MED13L: variants seen among roughly 807,000 people sequenced by gnomAD.
MED13L encodes mediator of RNA polymerase II transcription subunit 13-like.
MED13L carries 7 observed loss-of-function variants against 220.9 expected under a neutral mutation model. The observed-to-expected ratio is 0.03, with a 90% CI of 0.02 to 0.06. The LOEUF is 0.06. Among genes scored for constraint, MED13L ranks in the 10% least tolerant of loss-of-function variants. The pLI, the probability that MED13L is intolerant of heterozygous loss-of-function variation, is 1.00. For missense variants in MED13L, 1,965 were observed against 2,760.5 expected (o/e 0.71, Z 6.46); for synonymous variants, 1,011 against 1,015.2 (o/e 1.00, Z 0.08).
chr12:115,962,889 CG>C (rs1025591977), intron 30 of MED13L, among the ~76,000 whole-genome samples: 2 of 152,028 alleles, frequency 1.3e-5, no homozygotes, highest in East Asian at 3.9e-4. Context: ...GGCATTCTGG[CG>C]GGTGCCTGTA....
intron 4 of MED13L, among the ~76,000 whole-genome samples, chr12:116,069,397 T>C (rs1870200859): frequency 6.6e-6 from 1 of 152,218 alleles, no homozygotes; most frequent in African/African-American, 2.4e-5. Flanking sequence ...TCATTTTATT[T>C]ATTTTTGCTT....
chr12:116,043,304 C>A (rs1881646095), intron 4 of MED13L, among the ~76,000 whole-genome samples: 1 of 152,184 alleles, frequency 6.6e-6, no homozygotes, highest in South Asian at 2.1e-4. Context: ...CTATGCAATG[C>A]ACTTGTAATT....
chr12:116,099,874 CAA>C (rs1423503217), intron 3 of MED13L, among the ~76,000 whole-genome samples: 1 of 152,146 alleles, frequency 6.6e-6, no homozygotes, highest in African/African-American at 2.4e-5. Context: ...CTTCGTCAGG[CAA>C]TGTCATCAAA....
intron 23 of MED13L, 177 bp downstream of exon 23, chr12:115,980,573 C>A (rs1026236854): frequency 7.2e-6 from 5 of 695,942 alleles, no homozygotes; most frequent in Admixed American, 6.4e-5. Context: ...ATCCTTCCAC[C>A]TCAGCCTCCG....
intron 9 of MED13L, among the ~76,000 whole-genome samples, chr12:116,010,797 TG>T (rs1489752031): frequency 5.3e-5 from 8 of 152,000 alleles, no homozygotes; most frequent in Non-Finnish European, 8.8e-5. Flanking sequence ...GTCTGTAGGC[TG>T]GGAAGAGAAA....
chr12:116,121,195 T>C (rs1228325044), intron 2 of MED13L, among the ~76,000 whole-genome samples: 2 of 152,124 alleles, frequency 1.3e-5, no homozygotes, highest in African/African-American at 2.4e-5. Context: ...TATATAAATG[T>C]TTTTTAACAG....
At chr12:116,240,526 GATTT>G (rs909249338) in intron 1 of MED13L, among the ~76,000 whole-genome samples, 3 of 150,184 alleles carry the variant, frequency 2.0e-5, no homozygotes, top group African/African-American at 7.3e-5. Context: ...GTAAGCAGAA[GATTT>G]ATTTTATTTT....
intron 2 of MED13L, among the ~76,000 whole-genome samples, chr12:116,225,860 A>G (rs942024903): frequency 2.6e-5 from 4 of 152,144 alleles, no homozygotes; most frequent in African/African-American, 9.7e-5. Context: ...AGATTAGCAA[A>G]AAGTCTTACT....
intron 4 of MED13L, among the ~76,000 whole-genome samples, chr12:116,031,760 G>GA (rs778216025): frequency 8.5e-4 from 86 of 101,056 alleles, no homozygotes; most frequent in Non-Finnish European, 1.3e-3. Flanking sequence ...GAAAAGAAAA[G>GA]AAGGAAGGAA....
At chr12:116,114,963 A>G (rs1360124547) in intron 2 of MED13L, among the ~76,000 whole-genome samples, 1 of 152,184 alleles carries the variant, frequency 6.6e-6, no homozygotes, top group Non-Finnish European at 1.5e-5. Context: ...ACAAAATAGA[A>G]AAATTCTTGA....
intron 1 of MED13L, among the ~76,000 whole-genome samples, chr12:116,268,812 ATTTAAT>A (rs997759862): frequency 1.3e-5 from 2 of 152,190 alleles, no homozygotes; most frequent in Middle Eastern, 3.2e-3. Flanking sequence ...TGTCACTCCA[ATTTAAT>A]TTTAATATCA....
intron 4 of MED13L, among the ~76,000 whole-genome samples, chr12:116,054,213 A>AAACAC (rs1868754974): frequency 7.6e-6 from 1 of 131,034 alleles, no homozygotes; most frequent in African/African-American, 2.6e-5. Flanking sequence ...CACACACACA[A>AAACAC]ACACACACAC....
intron 2 of MED13L, among the ~76,000 whole-genome samples, chr12:116,201,238 C>T (rs547139932): frequency 1.1e-3 from 160 of 152,096 alleles, no homozygotes; most frequent in Non-Finnish European, 1.9e-3. Context: ...AAATGTTACA[C>T]GAAGAAGTAT....
At chr12:116,160,661 G>A (rs1444944997) in intron 2 of MED13L, among the ~76,000 whole-genome samples, 2 of 151,482 alleles carry the variant, frequency 1.3e-5, no homozygotes, top group African/African-American at 2.4e-5. Context: ...CTGTAGCCTC[G>A]AACTCCTGAG....
intron 4 of MED13L, among the ~76,000 whole-genome samples, chr12:116,094,846 T>TA (rs1872524863): frequency 6.6e-6 from 1 of 152,190 alleles, no homozygotes; most frequent in Admixed American, 6.5e-5. Context: ...AAGTCCTCTG[T>TA]AAATTTAAGG....
intron 2 of MED13L, among the ~76,000 whole-genome samples, chr12:116,232,848 A>G (rs1869695173): frequency 6.6e-6 from 1 of 152,184 alleles, no homozygotes; most frequent in Non-Finnish European, 1.5e-5. Flanking sequence ...GCACTTTGGG[A>G]GGCCGAGGCG....
chr12:116,096,160 C>T (rs140386426), intron 4 of MED13L, among the ~76,000 whole-genome samples: 125 of 151,574 alleles, frequency 8.2e-4, no homozygotes, highest in African/African-American at 2.9e-3. Context: ...TCGAGACCAG[C>T]CTGGGCAACA....
intron 4 of MED13L, among the ~76,000 whole-genome samples, chr12:116,028,757 C>A (rs1289411220): frequency 6.6e-6 from 1 of 152,142 alleles, no homozygotes; most frequent in Non-Finnish European, 1.5e-5. Flanking sequence ...TAGGGGCACA[C>A]CACTTGACAA....
At chr12:116,249,636 G>T (rs1282294631) in intron 1 of MED13L, among the ~76,000 whole-genome samples, 1 of 150,622 alleles carries the variant, frequency 6.6e-6, no homozygotes, top group African/African-American at 2.4e-5. Context: ...GACAGAAATG[G>T]GGGATTTTTT....
Sources: gnomAD v4.1 joint callset for allele counts (sites outside exome capture counted in the v4.1 genomes callset) on GRCh38, gnomAD v4.1.1 for gene constraint, MANE v1.5 for transcripts, NCBI Gene and HGNC (gene_info 2026-07-23, HGNC 2026-07-21) for gene names.